TNR: variants seen among roughly 807,000 people sequenced by gnomAD.
TNR encodes the protein tenascin R.
In TNR, 45 loss-of-function variants were observed where a neutral mutation model predicts 150.4. That is an observed-to-expected ratio of 0.30 (90% CI 0.24 to 0.38). The LOEUF (loss-of-function observed/expected upper bound fraction) is 0.38. Ranked by LOEUF, TNR falls within the 10% of genes least tolerant of loss-of-function variation. TNR has a pLI of 1.00. For missense variants in TNR, 1,544 were observed against 1,759.1 expected (o/e 0.88, Z 2.19); for synonymous variants, 687 against 678.4 (o/e 1.01, Z -0.20).
At chr1:175,604,090 G>A (rs148211162) in intron 1 of TNR, among the ~76,000 whole-genome samples, 134 of 152,152 alleles carry the variant, frequency 8.8e-4, no homozygotes, top group African/African-American at 3.1e-3. Context: ...AGGAGTGAGG[G>A]GGTGGGGAGA....
intron 9 of TNR, among the ~76,000 whole-genome samples, chr1:175,368,575 C>G (rs1292958585): frequency 6.6e-6 from 1 of 152,220 alleles, no homozygotes; most frequent in Non-Finnish European, 1.5e-5. Flanking sequence ...TTCACAGATG[C>G]TGGGGATTCT....
At chr1:175,463,233 A>G (rs568491137) in intron 2 of TNR, among the ~76,000 whole-genome samples, 1 of 152,234 alleles carries the variant, frequency 6.6e-6, no homozygotes, top group South Asian at 2.1e-4. Context: ...CACTGACTTG[A>G]AGGTTTCAGC....
intron 2 of TNR, among the ~76,000 whole-genome samples, chr1:175,428,018 T>TA (rs1655093576): frequency 1.3e-5 from 2 of 152,234 alleles, no homozygotes; most frequent in East Asian, 3.9e-4. Flanking sequence ...GATTTTTAGA[T>TA]AAAAATCCTA....
chr1:175,730,082 G>A (rs1361852874), intron 1 of TNR, among the ~76,000 whole-genome samples: 1 of 152,084 alleles, frequency 6.6e-6, no homozygotes, highest in African/African-American at 2.4e-5. Flanking sequence ...CCAAATTCCA[G>A]TCTCCTTTTT....
chr1:175,605,041 G>A (rs1663365955), intron 1 of TNR, among the ~76,000 whole-genome samples: 2 of 152,198 alleles, frequency 1.3e-5, no homozygotes, highest in African/African-American at 2.4e-5. Flanking sequence ...GTACCAAAGG[G>A]AGAAAGTGTA....
At chr1:175,703,778 A>C (rs1173823208) in intron 1 of TNR, among the ~76,000 whole-genome samples, 4 of 152,206 alleles carry the variant, frequency 2.6e-5, no homozygotes, top group Non-Finnish European at 5.9e-5. Flanking sequence ...CAGAAGACAC[A>C]CCATGTTTAA....
At chr1:175,511,848 T>A (rs1308291506) in intron 2 of TNR, among the ~76,000 whole-genome samples, 1 of 152,174 alleles carries the variant, frequency 6.6e-6, no homozygotes, top group Non-Finnish European at 1.5e-5. Flanking sequence ...GTTTTGGAGC[T>A]CTCTCCTGGC....
chr1:175,667,883 G>A (rs1665577899), intron 1 of TNR, among the ~76,000 whole-genome samples: 1 of 152,220 alleles, frequency 6.6e-6, no homozygotes. Flanking sequence ...AACTCAGGCA[G>A]AAAGCACTAG....
intron 1 of TNR, among the ~76,000 whole-genome samples, chr1:175,713,688 C>A (rs1476169291): frequency 1.3e-5 from 2 of 152,142 alleles, no homozygotes; most frequent in Non-Finnish European, 1.5e-5. Flanking sequence ...TGAAAACAGG[C>A]AGGCAAAGGA....
intron 1 of TNR, among the ~76,000 whole-genome samples, chr1:175,589,038 G>A (rs570765397): frequency 2.6e-5 from 4 of 152,170 alleles, no homozygotes; most frequent in East Asian, 1.9e-4. Context: ...TGGTGGTGGC[G>A]ATGGATTTGC....
chr1:175,660,441 T>A (rs1238534703), intron 1 of TNR, among the ~76,000 whole-genome samples: 1 of 152,196 alleles, frequency 6.6e-6, no homozygotes, highest in African/African-American at 2.4e-5. Flanking sequence ...GGATTATAGA[T>A]CACTTTATTG....
intron 1 of TNR, among the ~76,000 whole-genome samples, chr1:175,645,828 A>G (rs1298394611): frequency 6.6e-6 from 1 of 152,270 alleles, no homozygotes; most frequent in Non-Finnish European, 1.5e-5. Flanking sequence ...GTCTGAAACT[A>G]AAAAGCAGTT....
intron 2 of TNR, among the ~76,000 whole-genome samples, chr1:175,491,190 G>C (rs544226343): frequency 0.074 from 9 of 122 alleles, no homozygotes; most frequent in Admixed American, 0.19. Flanking sequence ...GGGCACATGT[G>C]GGGGAACACA....
chr1:175,324,932 T>C (rs1274344242), intron 21 of TNR, among the ~76,000 whole-genome samples: 1 of 152,188 alleles, frequency 6.6e-6, no homozygotes, highest in East Asian at 1.9e-4. Flanking sequence ...TCAGCCTGGC[T>C]TCTCCCTGGC....
intron 3 of TNR, among the ~76,000 whole-genome samples, chr1:175,405,502 AG>A (rs1458657065): frequency 1.3e-5 from 2 of 152,182 alleles, no homozygotes; most frequent in Non-Finnish European, 2.9e-5. Flanking sequence ...GGGCAATGTT[AG>A]AAGTAAATCC....
At chr1:175,444,427 A>C (rs573945065) in intron 2 of TNR, among the ~76,000 whole-genome samples, 1 of 152,314 alleles carries the variant, frequency 6.6e-6, no homozygotes, top group East Asian at 1.9e-4. Context: ...CAGGTGCATG[A>C]CAGGTACAGG....
chr1:175,723,907 CT>C (rs2101946984), intron 1 of TNR, among the ~76,000 whole-genome samples: 1 of 151,920 alleles, frequency 6.6e-6, no homozygotes, highest in Admixed American at 6.5e-5. Flanking sequence ...TTCTTGGCTC[CT>C]AACAGGAAAA....
chr1:175,497,009 T>C (rs533393514), intron 2 of TNR, among the ~76,000 whole-genome samples: 13 of 152,314 alleles, frequency 8.5e-5, no homozygotes, highest in African/African-American at 3.1e-4. Context: ...CCAAGGGTGT[T>C]AGAGAGGAGA....
chr1:175,376,282 G>C (rs7541759), intron 9 of TNR, among the ~76,000 whole-genome samples: 31,151 of 152,100 alleles, frequency 0.2, 3,281 homozygotes, highest in African/African-American at 0.23. Flanking sequence ...CTTCACCACT[G>C]TCATCCACTT....
Sources: gnomAD v4.1 joint callset for allele counts (sites outside exome capture counted in the v4.1 genomes callset) on GRCh38, gnomAD v4.1.1 for gene constraint, MANE v1.5 for transcripts, NCBI Gene and HGNC (gene_info 2026-07-23, HGNC 2026-07-21) for gene names.